The following CRPPA variants were observed in gnomAD, a reference collection of about 807,000 sequenced individuals.
The protein encoded by CRPPA is CDP-L-ribitol pyrophosphorylase A.
A neutral mutation model predicts 52.0 loss-of-function variants in CRPPA; 43 were observed. The observed-to-expected ratio is 0.83, with a 90% CI of 0.65 to 1.07. The LOEUF (loss-of-function observed/expected upper bound fraction) is 1.07, where lower values mean the gene tolerates loss of function less well. CRPPA is among the 50% of genes least tolerant of loss of function. The pLI, the probability that CRPPA is intolerant of heterozygous loss-of-function variation, is 0.00. For missense variants in CRPPA, 629 were observed against 551.7 expected (o/e 1.14, Z -1.40); for synonymous variants, 250 against 203.5 (o/e 1.23, Z -1.94).
intron 2 of CRPPA, among the ~76,000 whole-genome samples, chr7:16,382,784 C>T (rs187428638): frequency 0.07 from 10,549 of 151,372 alleles, 437 homozygotes; most frequent in Admixed American, 0.11. Flanking sequence ...TTGATCGCAT[C>T]GGCTCCTGAG....
In CRPPA at chr7:16,343,408, C is replaced by T. The variant is rs747721180; in HGVS notation, c.684+32684G>A. Among the ~76,000 whole-genome samples, 6 of 152,164 alleles carry T rather than the reference C, an allele frequency of 3.9e-5. 1 individual carries two copies. The highest frequency in any genetic ancestry group is 6.8e-3 in the Middle Eastern group (2 of 294). On this transcript the variant is annotated intron_variant, in intron 3 of 9. Coordinates refer to ENST00000407010, the MANE Select transcript of CRPPA (RefSeq NM_001101426.4). ...TGGCATTGTACAATTACAGTAAAAC[C>T]GGAAGCCTAGTAGCCAATGAAAAAA...
At chr7:16,389,928 A>AAAAAAAAAAAAAAAT in intron 2 of CRPPA, among the ~76,000 whole-genome samples, 2 of 29,760 alleles carry the variant, frequency 6.7e-5, no homozygotes, top group Non-Finnish European at 1.1e-4. Flanking sequence ...AAAAAAAAAA[A>AAAAAAAAAAAAAAAT]ATATATATAT....
Position 16,090,356 on chromosome 7 carries a change from T to G in CRPPA, c.*1339A>C, listed in dbSNP as rs1056729136. On this transcript the variant is annotated 3_prime_UTR_variant, in exon 10 of 10. Transcript: ENST00000407010. ...TGTATCTTTAACTGAAAACACTTCA[T>G]GCAACTTTTATAGTTTCCACGTGCA... The G allele has an allele frequency of 1.3e-5, 2 of 152,004 alleles. No homozygotes were observed. Among genetic ancestry groups the G allele is most frequent in the African/African-American group, 4.8e-5 (2 of 41,374 alleles). 9.4% of individuals were successfully genotyped at this position (152,004 alleles called of 1,614,324 possible).
chr7:16,257,942 C>T (rs9918542), intron 8 of CRPPA, among the ~76,000 whole-genome samples: 23,312 of 152,012 alleles, frequency 0.15, 1,878 homozygotes, highest in African/African-American at 0.21. Flanking sequence ...CTCTTTAATT[C>T]GTGTTCTACT....
At chr7:16,121,084 A>C (rs1782471442) in intron 9 of CRPPA, among the ~76,000 whole-genome samples, 1 of 152,094 alleles carries the variant, frequency 6.6e-6, no homozygotes, top group South Asian at 2.1e-4. Context: ...AAAGGTAATA[A>C]AATTTGAATA....
At chr7:16,156,115 C>CAAA (rs35258024) in intron 9 of CRPPA, among the ~76,000 whole-genome samples, 34 of 111,954 alleles carry the variant, frequency 3.0e-4, no homozygotes, top group African/African-American at 9.8e-4. Context: ...TATTCAAAAG[C>CAAA]AAAAAAAAAA....
chr7:16,379,105 A>T (rs1016850985), intron 2 of CRPPA, among the ~76,000 whole-genome samples: 2 of 152,084 alleles, frequency 1.3e-5, no homozygotes, highest in African/African-American at 4.8e-5. Context: ...GAAGCTCTTT[A>T]GTTTAATTAG....
rs185038153 is a variant in CRPPA, at chr7:16,330,080, G to T, written c.685-21453C>A. 4.1e-3 allele frequency among the ~76,000 whole-genome samples: 626 copies of T among 152,260 alleles called. 3 individuals carry two copies. The highest frequency in any genetic ancestry group is 7.3e-3 in the Non-Finnish European group (495 of 68,022). ...TAAATTCTCTGGAACTAACTTTGAA[G>T]ATCACAATGAAATGTATTCATTCAT... is the stretch of plus-strand genomic sequence containing the variant. On this transcript the variant is annotated intron_variant, in intron 3 of 9. Coordinates refer to ENST00000407010, the MANE Select transcript of CRPPA (RefSeq NM_001101426.4).
chr7:16,353,977 C>CAT (rs918183433), intron 3 of CRPPA, among the ~76,000 whole-genome samples: 15 of 152,010 alleles, frequency 9.9e-5, no homozygotes, highest in African/African-American at 3.1e-4. Flanking sequence ...CATTGTACCA[C>CAT]ATATATATAT....
At chr7:16,324,148 T>C (rs2128428104) in intron 3 of CRPPA, among the ~76,000 whole-genome samples, 1 of 152,278 alleles carries the variant, frequency 6.6e-6, no homozygotes, top group South Asian at 2.1e-4. Context: ...GAAGAATGTG[T>C]TATTGCACAC....
chr7:16,166,196 T>A (rs966037870), intron 9 of CRPPA, among the ~76,000 whole-genome samples: 3 of 152,228 alleles, frequency 2.0e-5, no homozygotes, highest in African/African-American at 4.8e-5. Context: ...GTGATGTAGC[T>A]GATAAATATT....
intron 9 of CRPPA, among the ~76,000 whole-genome samples, chr7:16,100,311 T>C (rs1782019294): frequency 6.6e-6 from 1 of 152,246 alleles, no homozygotes; most frequent in East Asian, 1.9e-4. Context: ...TATGTTATCA[T>C]AGTTTTTCTC....
chr7:16,369,326 G>T (rs1583553740), intron 3 of CRPPA, among the ~76,000 whole-genome samples: 1 of 152,184 alleles, frequency 6.6e-6, no homozygotes, highest in African/African-American at 2.4e-5. Context: ...ACAGAACAGG[G>T]CAGGGAGTTT....
chr7:16,121,891 T>C (rs1195919226), intron 9 of CRPPA, among the ~76,000 whole-genome samples: 1 of 152,128 alleles, frequency 6.6e-6, no homozygotes, highest in Admixed American at 6.5e-5. Context: ...GGATCTGTTT[T>C]ATATTGAGAA....
intron 5 of CRPPA, among the ~76,000 whole-genome samples, chr7:16,297,828 T>G (rs1026536510): frequency 5.3e-5 from 8 of 152,202 alleles, no homozygotes; most frequent in African/African-American, 1.7e-4. Flanking sequence ...CCACTGGCTT[T>G]CCTGGGCCTC....
chr7:16,151,613 T>A (rs1425189943), intron 9 of CRPPA, among the ~76,000 whole-genome samples: 1 of 152,076 alleles, frequency 6.6e-6, no homozygotes, highest in Admixed American at 6.6e-5. Context: ...AAAATAAAAT[T>A]GATTATCTTC....
chr7:16,389,005 A>C (rs1177996254), intron 2 of CRPPA, among the ~76,000 whole-genome samples: 1 of 152,242 alleles, frequency 6.6e-6, no homozygotes, highest in African/African-American at 2.4e-5. Flanking sequence ...ATATTCCAGC[A>C]AATTAGAAAA....
At chr7:16,346,670 T>C (rs1786021815) in intron 3 of CRPPA, among the ~76,000 whole-genome samples, 1 of 152,166 alleles carries the variant, frequency 6.6e-6, no homozygotes, top group Admixed American at 6.6e-5. Context: ...GTCTCATAGA[T>C]GTGAAGTATA....
intron 9 of CRPPA, among the ~76,000 whole-genome samples, chr7:16,116,502 T>C (rs972963574): frequency 6.6e-6 from 1 of 151,778 alleles, no homozygotes; most frequent in Non-Finnish European, 1.5e-5. Context: ...CCATCTCTAC[T>C]AAAAATACAA....
Sources: gnomAD v4.1 joint callset for allele counts (sites outside exome capture counted in the v4.1 genomes callset) on GRCh38, gnomAD v4.1.1 for gene constraint, MANE v1.5 for transcripts, NCBI Gene and HGNC (gene_info 2026-07-23, HGNC 2026-07-21) for gene names.